Variants in OR10J1 observed in about 807,000 individuals in gnomAD.
OR10J1 encodes the protein olfactory receptor family 10 subfamily J member 1.
For synonymous variants in OR10J1, 202 were observed against 143.8 expected, an observed-to-expected ratio of 1.40 and a Z score of -2.89; for missense variants, 474 against 376.6, an observed-to-expected ratio of 1.26 and a Z score of -2.14.
At chr1:159,423,369 G>A in the OR10J1 span, among the ~76,000 whole-genome samples, 1 of 152,264 alleles carries the variant, frequency 6.6e-6, no homozygotes, top group South Asian at 2.1e-4. Flanking sequence ...GTGAGGACAG[G>A]CACTGATGAT....
At chr1:159,413,164 G>C in the OR10J1 span, among the ~76,000 whole-genome samples, 198 of 152,266 alleles carry the variant, frequency 1.3e-3, no homozygotes, top group Non-Finnish European at 2.5e-3. Flanking sequence ...TGTTAGAATG[G>C]CAATCATTAA....
At chr1:159,435,871 T>A (rs1240010819), upstream of OR10J1, among the ~76,000 whole-genome samples, 1 of 152,232 alleles carries the variant, frequency 6.6e-6, no homozygotes, top group East Asian at 1.9e-4. Context: ...GTTTCTATAG[T>A]CACTCCACAT....
At chr1:159,408,789 CAAAT>C in the OR10J1 span, among the ~76,000 whole-genome samples, 3 of 151,764 alleles carry the variant, frequency 2.0e-5, no homozygotes, top group Non-Finnish European at 4.4e-5. Flanking sequence ...AGGTGACTGA[CAAAT>C]AGTAACATCC....
upstream of OR10J1, among the ~76,000 whole-genome samples, chr1:159,436,436 T>G (rs1655740229): frequency 6.6e-6 from 1 of 152,110 alleles, no homozygotes; most frequent in Non-Finnish European, 1.5e-5. Flanking sequence ...CTCTCACATG[T>G]ATCCCTCCCC....
At chr1:159,411,046 G>A in the OR10J1 span, among the ~76,000 whole-genome samples, 3 of 152,144 alleles carry the variant, frequency 2.0e-5, no homozygotes, top group Admixed American at 6.6e-5. Context: ...TAGTTTGATT[G>A]CACTGTGGTC....
the OR10J1 span, among the ~76,000 whole-genome samples, chr1:159,410,563 A>C: frequency 6.6e-6 from 1 of 151,444 alleles, no homozygotes. Flanking sequence ...ATCTTTTTTT[A>C]TTGCATCTAT....
At chr1:159,432,740 T>C in the OR10J1 span, 74 of 402,682 alleles carry the variant, frequency 1.8e-4, 1 homozygote, top group African/African-American at 1.4e-3. Flanking sequence ...CCCACTTCTT[T>C]TGTGATATCC....
chr1:159,429,685 C>T, the OR10J1 span, among the ~76,000 whole-genome samples: 1 of 152,066 alleles, frequency 6.6e-6, no homozygotes, highest in Non-Finnish European at 1.5e-5. Flanking sequence ...GAGAGGGACC[C>T]CAGAGTCCTA....
At chr1:159,412,938 T>C in the OR10J1 span, among the ~76,000 whole-genome samples, 1 of 152,004 alleles carries the variant, frequency 6.6e-6, no homozygotes, top group Non-Finnish European at 1.5e-5. Context: ...AACCTACTCA[T>C]CTGACAAAGG....
chr1:159,403,526 T>C, the OR10J1 span, among the ~76,000 whole-genome samples: 11,990 of 152,174 alleles, frequency 0.079, 1,056 homozygotes, highest in African/African-American at 0.22. Flanking sequence ...CTCAACGTCA[T>C]TGATCATCAG....
At chr1:159,404,354 C>T in the OR10J1 span, among the ~76,000 whole-genome samples, 1 of 152,138 alleles carries the variant, frequency 6.6e-6, no homozygotes, top group East Asian at 1.9e-4. Context: ...AATATAGACT[C>T]CGGGAAAGGA....
At chr1:159,430,671 G>GTGCGCGCGCA in the OR10J1 span, among the ~76,000 whole-genome samples, 1 of 149,688 alleles carries the variant, frequency 6.7e-6, no homozygotes, top group Non-Finnish European at 1.5e-5. Context: ...GTGTGTGTGC[G>GTGCGCGCGCA]CGCGCGCACA....
At chr1:159,402,504 A>G in the OR10J1 span, among the ~76,000 whole-genome samples, 2 of 152,036 alleles carry the variant, frequency 1.3e-5, no homozygotes, top group Non-Finnish European at 2.9e-5. Context: ...AAAAAATCCC[A>G]TTTACAATAG....
the OR10J1 span, among the ~76,000 whole-genome samples, chr1:159,422,589 T>A: frequency 6.6e-6 from 1 of 152,076 alleles, no homozygotes; most frequent in Non-Finnish European, 1.5e-5. Flanking sequence ...GATGTGGAGA[T>A]GCAGAAGCTG....
chr1:159,424,628 G>C, the OR10J1 span, among the ~76,000 whole-genome samples: 1 of 151,724 alleles, frequency 6.6e-6, no homozygotes, highest in Non-Finnish European at 1.5e-5. Flanking sequence ...TGGAAAATAA[G>C]ACAATTTCTT....
the OR10J1 span, chr1:159,405,492 G>T: frequency 1.2e-5 from 3 of 249,112 alleles, no homozygotes; most frequent in South Asian, 1.3e-4. Context: ...TGAGCTCCTT[G>T]TTCCTCAAGA....
rs373330432 is a variant in OR10J1, at chr1:159,440,717, C to T, written c.926C>T (p.Ser309Phe). The T allele has an allele frequency of 1.3e-5, 21 of 1,608,246 alleles. No individual in the cohort carries two copies. The South Asian group carries it at 2.1e-4, about 16-fold the overall frequency. ...TGCAGGGCTGTTGGTGGGAAGTTTT[C>T]CTGACCATGTAGGAAGAGTTCTCCT... The part of the protein sequence containing the change: ...ALCRAVGGKF[S>F] Residue 309 changes from serine to phenylalanine, a missense_variant, in exon 1 of 1, where the codon TCC becomes TTC. By Grantham distance (155) the Ser-to-Phe change is radical. Transcript: ENST00000423932.
At chr1:159,418,794 G>T in the OR10J1 span, among the ~76,000 whole-genome samples, 1 of 152,196 alleles carries the variant, frequency 6.6e-6, no homozygotes, top group Admixed American at 6.5e-5. Flanking sequence ...ACACCAGCAC[G>T]TGAAAACAGC....
chr1:159,404,341 A>G, the OR10J1 span, among the ~76,000 whole-genome samples: 1 of 152,100 alleles, frequency 6.6e-6, no homozygotes, highest in East Asian at 1.9e-4. Context: ...CAATCCAGGA[A>G]TGAATATAGA....
Sources: gnomAD v4.1 joint callset for allele counts (sites outside exome capture counted in the v4.1 genomes callset) on GRCh38, gnomAD v4.1.1 for gene constraint, MANE v1.5 for transcripts, NCBI Gene and HGNC (gene_info 2026-07-23, HGNC 2026-07-21) for gene names.